USP6NL: variants seen among roughly 807,000 people sequenced by gnomAD.
The protein encoded by USP6NL is USP6 N-terminal like, also known as USP6 N-terminal-like protein.
USP6NL carries 26 observed loss-of-function variants against 61.9 expected under a neutral mutation model. The ratio of observed to expected loss-of-function variants is 0.42; its 90% CI spans 0.31 to 0.58. The LOEUF (loss-of-function observed/expected upper bound fraction) is 0.58. Ranked by LOEUF, USP6NL falls within the 20% of genes least tolerant of loss-of-function variation. The pLI is 0.16. For missense variants in USP6NL, 1,114 were observed against 1,034.3 expected (o/e 1.08, Z -1.06); for synonymous variants, 432 against 390.1 (o/e 1.11, Z -1.27).
chr10:11,525,324 A>G lies in USP6NL; in HGVS notation c.155+62T>C, dbSNP rs1328351752. ...TATATTAAAAATAAAGAAAATCAATATAATAGGTGACCACAGAAACGTTAT... is the reference window on the plus strand; with the variant it reads ...TATATTAAAAATAAAGAAAATCAATGTAATAGGTGACCACAGAAACGTTAT... On this transcript the variant is annotated intron_variant, in intron 4 of 14. Transcript: ENST00000609104. The surrounding 1 kb of genome is among the most constrained non-coding windows in gnomAD (Gnocchi z 5.0). The G allele has an allele frequency of 6.0e-6, 8 of 1,331,126 alleles. No individual in the cohort carries two copies. Among genetic ancestry groups the G allele is most frequent in the South Asian group, 1.3e-5 (1 of 74,168 alleles). The allele number at this position is 1,331,126 out of a possible 1,614,324, so 82.5% of individuals were successfully genotyped here.
At chr10:11,508,164 TC>T (rs5783215) in intron 6 of USP6NL, among the ~76,000 whole-genome samples, 36,083 of 152,176 alleles carry the variant, frequency 0.24, 4,836 homozygotes, top group East Asian at 0.59. Context: ...AAGTTAGATT[TC>T]CTTTTTTTCC....
intron 2 of USP6NL, among the ~76,000 whole-genome samples, chr10:11,547,702 A>G (rs370629343): frequency 2.0e-4 from 31 of 152,152 alleles, no homozygotes; most frequent in East Asian, 3.9e-4. Flanking sequence ...CATCACGCCC[A>G]GCTAATTTTT....
chr10:11,463,860 AG>A lies in USP6NL; in HGVS notation c.1079-12del. The A allele has an allele frequency of 6.9e-7, 1 of 1,457,252 alleles. No individual in the cohort carries two copies. Among genetic ancestry groups the A allele is most frequent in the Non-Finnish European group, 9.1e-7 (1 of 1,103,132 alleles). The allele number at this position is 1,457,252 out of a possible 1,614,324, so 90.3% of individuals were successfully genotyped here. On this transcript the variant is annotated splice_polypyrimidine_tract_variant and intron_variant, in intron 14 of 14. Coordinates refer to ENST00000609104, the MANE Select transcript of USP6NL (RefSeq NM_014688.5). This position sits in a 1 kb window ranked among gnomAD's most constrained non-coding sequence, Gnocchi z 6.3. ...ATTCATCCTCTTTACCTGAAAAGAA[AG>A]AGAAAGGCTAAGTAAGATAATACAC...
Position 11,474,169 on chromosome 10 carries a change from G to A in USP6NL, c.1078+7601C>T, listed in dbSNP as rs1359364355. ...AAGAGAATCAAAGGTGATTAATTCT[G>A]TAGTTTTTTGCATTAAGGAATCTGT... On this transcript the variant is annotated intron_variant, in intron 14 of 14. Coordinates refer to ENST00000609104, the MANE Select transcript of USP6NL (RefSeq NM_014688.5). The surrounding 1 kb of genome is among the most constrained non-coding windows in gnomAD (Gnocchi z 4.9). Among the ~76,000 whole-genome samples, 3 of 152,184 alleles carry A rather than the reference G, an allele frequency of 2.0e-5. No individual in the cohort carries two copies. Among genetic ancestry groups the A allele is most frequent in the Non-Finnish European group, 4.4e-5 (3 of 68,026 alleles).
intron 13 of USP6NL, among the ~76,000 whole-genome samples, chr10:11,483,719 C>A (rs1411011682): frequency 9.7e-6 from 1 of 103,528 alleles, no homozygotes; most frequent in Non-Finnish European, 2.0e-5. Flanking sequence ...TGTTGGGGGG[C>A]CGGTGCGGGG....
chr10:11,525,539 C>A lies in USP6NL; in HGVS notation c.73-71G>T. The stretch of plus-strand genomic sequence containing the variant: ...TGAATAATTTTTTAAAATAAAAGGA[C>A]GAAGAAATAAGAGCTATTTTTAATG... On this transcript the variant is annotated intron_variant, in intron 3 of 14. Coordinates refer to ENST00000609104, the MANE Select transcript of USP6NL (RefSeq NM_014688.5). This position sits in a 1 kb window ranked among gnomAD's most constrained non-coding sequence, Gnocchi z 5.0. 25 of 1,307,238 alleles carry A rather than the reference C, an allele frequency of 1.9e-5. No homozygotes were observed. The highest frequency in any genetic ancestry group is 8.1e-5 in the East Asian group (3 of 37,180). The allele number at this position is 1,307,238 out of a possible 1,614,324, so 81.0% of individuals were successfully genotyped here.
chr10:11,495,438 C>T lies in USP6NL; in HGVS notation c.385-2210G>A, dbSNP rs569455101. Among the ~76,000 whole-genome samples, 2 of 152,270 alleles carry T rather than the reference C, an allele frequency of 1.3e-5. No homozygotes were observed. Among genetic ancestry groups the T allele is most frequent in the African/African-American group, 4.8e-5 (2 of 41,554 alleles). ...TGGATGGCTTGCCGCCCACACCCTC[C>T]CTCCATTCCCATTTTCTTTTTCTGA... On this transcript the variant is annotated intron_variant, in intron 7 of 14. Coordinates refer to ENST00000609104, the MANE Select transcript of USP6NL (RefSeq NM_014688.5). This position sits in a 1 kb window ranked among gnomAD's most constrained non-coding sequence, Gnocchi z 4.6.
rs1834839996 is a variant in USP6NL at position 11,513,934 on chromosome 10, A to G, written c.196-4259T>C. Among the ~76,000 whole-genome samples the G allele has an allele frequency of 6.6e-6, 1 of 152,154 alleles. No homozygotes were observed. The highest frequency in any genetic ancestry group is 1.5e-5 in the Non-Finnish European group (1 of 68,040). On this transcript the variant is annotated intron_variant, in intron 5 of 14. Transcript: ENST00000609104. The surrounding 1 kb of genome is among the most constrained non-coding windows in gnomAD (Gnocchi z 4.7). ...TGTTTTGAAAAGTCAAGGCCACACT[A>G]TCTGGCTTTGTGTGATTGGCTCCTC...
chr10:11,570,174 G>A (rs754272302), intron 2 of USP6NL, among the ~76,000 whole-genome samples: 16 of 152,242 alleles, frequency 1.1e-4, no homozygotes, highest in Admixed American at 3.3e-4. Context: ...AAGAGGGTCC[G>A]TTAAGTACCT....
intron 2 of USP6NL, among the ~76,000 whole-genome samples, chr10:11,593,933 A>G (rs946372755): frequency 1.3e-4 from 20 of 152,234 alleles, no homozygotes; most frequent in African/African-American, 4.6e-4. Context: ...CACTGCAAAG[A>G]TAAATCTAAC....
Position 11,510,970 on chromosome 10 carries a change from T to G in USP6NL, c.196-1295A>C, listed in dbSNP as rs929988120. Among the ~76,000 whole-genome samples, 9 of 152,228 alleles carry G rather than the reference T, an allele frequency of 5.9e-5. No homozygotes were observed. Among genetic ancestry groups the G allele is most frequent in the Non-Finnish European group, 1.3e-4 (9 of 68,038 alleles). ...TTCCTGGATGGAAGCAGCAGCTCCTTACTGACTGTCTGCAATCCAGCCTCA... is the reference window on the plus strand; with the variant it reads ...TTCCTGGATGGAAGCAGCAGCTCCTGACTGACTGTCTGCAATCCAGCCTCA... On this transcript the variant is annotated intron_variant, in intron 5 of 14. Transcript: ENST00000609104. The surrounding 1 kb of genome is among the most constrained non-coding windows in gnomAD (Gnocchi z 4.8).
At chr10:11,519,545 G>A (rs564955765) in intron 4 of USP6NL, among the ~76,000 whole-genome samples, 11 of 152,234 alleles carry the variant, frequency 7.2e-5, no homozygotes, top group Admixed American at 3.3e-4. Flanking sequence ...CAGGAGAATC[G>A]CTTGAACCCG....
chr10:11,538,939 A>C (rs1835940187), intron 2 of USP6NL, among the ~76,000 whole-genome samples: 1 of 152,196 alleles, frequency 6.6e-6, no homozygotes, highest in Non-Finnish European at 1.5e-5. Context: ...AGAGCTGCAC[A>C]GGCTCCCTTT....
In USP6NL at chr10:11,585,820, A is replaced by G. The variant is rs1287713970; in HGVS notation, c.4+11811T>C. Among the ~76,000 whole-genome samples the G allele has an allele frequency of 6.6e-6, 1 of 152,214 alleles. No individual in the cohort carries two copies. Among genetic ancestry groups the G allele is most frequent in the Non-Finnish European group, 1.5e-5 (1 of 68,036 alleles). ...GGAAGGTGATTCTGACCCATGCTACAATATGGATGGACCTTAAATACATTG... is the reference window on the plus strand; with the variant it reads ...GGAAGGTGATTCTGACCCATGCTACGATATGGATGGACCTTAAATACATTG... On this transcript the variant is annotated intron_variant, in intron 2 of 14. Transcript: ENST00000609104. This position sits in a 1 kb window ranked among gnomAD's most constrained non-coding sequence, Gnocchi z 4.5.
At chr10:11,547,602 C>A (rs528470090) in intron 2 of USP6NL, among the ~76,000 whole-genome samples, 1 of 150,498 alleles carries the variant, frequency 6.6e-6, no homozygotes, top group South Asian at 2.1e-4. Context: ...TGCAGTGGCA[C>A]GATCTCAGCT....
intron 13 of USP6NL, among the ~76,000 whole-genome samples, chr10:11,483,150 G>A (rs142244985): frequency 2.8e-3 from 426 of 152,202 alleles, no homozygotes; most frequent in Non-Finnish European, 4.5e-3. Context: ...CTTCCATTTC[G>A]GAAGCTTTAT....
At chr10:11,578,271 A>G (rs1040084740) in intron 2 of USP6NL, among the ~76,000 whole-genome samples, 1 of 152,198 alleles carries the variant, frequency 6.6e-6, no homozygotes, top group African/African-American at 2.4e-5. Flanking sequence ...ACCCAACCTC[A>G]TCTGTAATTT....
rs909040657 is a variant in USP6NL, at chr10:11,482,310, T to G, written c.926-388A>C. ...ATACGGAGCTCCAAGAAGCCCCATT[T>G]TAAGTCTGTATTTCTTACTGTTTCA... On this transcript the variant is annotated intron_variant, in intron 13 of 14. Transcript: ENST00000609104. The surrounding 1 kb of genome is among the most constrained non-coding windows in gnomAD (Gnocchi z 4.0). 6.6e-6 allele frequency among the ~76,000 whole-genome samples: 1 copy of G among 152,252 alleles called. No homozygotes were observed. Among genetic ancestry groups the G allele is most frequent in the African/African-American group, 2.4e-5 (1 of 41,474 alleles).
chr10:11,573,781 C>T (rs939043990), intron 2 of USP6NL: 4 of 396,860 alleles, frequency 1.0e-5, no homozygotes, highest in Non-Finnish European at 1.8e-5. Context: ...AGCACGAACA[C>T]AGTTCAACTT....
Sources: allele counts gnomAD v4.1 joint callset (sites outside exome capture counted in the v4.1 genomes callset), GRCh38; gene constraint gnomAD v4.1.1; non-coding constraint Gnocchi (gnomAD v3.1); transcripts MANE v1.5; gene names NCBI Gene and HGNC (gene_info 2026-07-23, HGNC 2026-07-21).